The following GRK3 variants were observed in gnomAD, a reference collection of about 807,000 sequenced individuals.
GRK3 encodes adrenergic, beta, receptor kinase 2.
In GRK3, 54 loss-of-function variants were observed where a neutral mutation model predicts 95.7. The ratio of observed to expected loss-of-function variants is 0.56; its 90% CI spans 0.45 to 0.71. GRK3 has a LOEUF of 0.71. GRK3 is among the 30% of genes least tolerant of loss of function. The pLI is 0.00. For missense variants in GRK3, 649 were observed against 851.2 expected (o/e 0.76, Z 2.96); for synonymous variants, 281 against 290.8 (o/e 0.97, Z 0.34).
chr22:25,612,266 G>A (rs555043864), intron 2 of GRK3, among the ~76,000 whole-genome samples: 4 of 152,082 alleles, frequency 2.6e-5, no homozygotes, highest in Admixed American at 1.3e-4. Context: ...TTTGTCTGTG[G>A]TGTAAAGCAA....
intron 8 of GRK3, among the ~76,000 whole-genome samples, chr22:25,677,847 T>G (rs1297101899): frequency 1.3e-5 from 2 of 152,218 alleles, no homozygotes; most frequent in African/African-American, 4.8e-5. Flanking sequence ...TCTGTTGTCC[T>G]ACCGAAAAAG....
chr22:25,620,006 T>TTTTTTG lies in GRK3; in HGVS notation c.190+15554_190+15555insTTTTGT, dbSNP rs144086816. Among the ~76,000 whole-genome samples, 161 of 90,310 alleles carry TTTTTTG rather than the reference T, an allele frequency of 1.8e-3. 1 individual carries two copies. The highest frequency in any genetic ancestry group is 6.1e-3 in the East Asian group (20 of 3,288). 59.2% of individuals were successfully genotyped at this position (90,310 alleles called of 152,430 possible). On this transcript the variant is annotated intron_variant, in intron 2 of 20. Coordinates refer to ENST00000324198, the MANE Select transcript of GRK3 (RefSeq NM_005160.4). ...TTACTCTTCCTTTCCTTTGTCTTTT[T>TTTTTTG]TGTGTGTGTGTGTGTGTGTGTGTGT...
intron 1 of GRK3, among the ~76,000 whole-genome samples, chr22:25,595,795 A>G (rs1412401248): frequency 2.6e-5 from 4 of 152,000 alleles, no homozygotes; most frequent in Non-Finnish European, 5.9e-5. Flanking sequence ...AAAAAAAATA[A>G]TAATTACTGG....
At chr22:25,694,737 A>T (rs1450460665) in intron 12 of GRK3, among the ~76,000 whole-genome samples, 3 of 152,152 alleles carry the variant, frequency 2.0e-5, no homozygotes, top group African/African-American at 7.2e-5. Flanking sequence ...TCGCCTGTTC[A>T]TCATCCGTTC....
At chr22:25,614,946 A>G (rs1426126432) in intron 2 of GRK3, among the ~76,000 whole-genome samples, 3 of 152,172 alleles carry the variant, frequency 2.0e-5, no homozygotes, top group Admixed American at 2.0e-4. Flanking sequence ...TCACCCTGCA[A>G]AAGATGGACA....
intron 1 of GRK3, among the ~76,000 whole-genome samples, chr22:25,571,121 T>C (rs1601442052): frequency 6.6e-6 from 1 of 152,192 alleles, no homozygotes; most frequent in East Asian, 1.9e-4. Context: ...CAGAAAAAGA[T>C]GCTAATGTGA....
At chr22:25,649,736 G>A (rs2084814612) in intron 3 of GRK3, among the ~76,000 whole-genome samples, 1 of 152,138 alleles carries the variant, frequency 6.6e-6, no homozygotes, top group Non-Finnish European at 1.5e-5. Flanking sequence ...ATAGTCAATA[G>A]GCAATCTTAA....
intron 3 of GRK3, among the ~76,000 whole-genome samples, chr22:25,645,091 G>C (rs938969979): frequency 8.5e-5 from 13 of 152,310 alleles, no homozygotes; most frequent in Middle Eastern, 3.4e-3. Context: ...TTGGTGGGGG[G>C]TGTGGTGGGG....
At chr22:25,674,375 A>G (rs2085009629) in intron 7 of GRK3, 62 bp from the exon 8 acceptor site, 1 of 1,369,676 alleles carries the variant, frequency 7.3e-7, no homozygotes, top group Admixed American at 1.8e-5. Context: ...GCATGAAAAA[A>G]TCTTTAAAAC....
At chr22:25,597,308 G>A (rs1283383595) in intron 1 of GRK3, among the ~76,000 whole-genome samples, 1 of 152,126 alleles carries the variant, frequency 6.6e-6, no homozygotes, top group African/African-American at 2.4e-5. Flanking sequence ...AGGAGAAAGG[G>A]TGGGGAAGGA....
chr22:25,685,285 A>C, intron 10 of GRK3, 37 bp downstream of exon 10: 2 of 1,484,876 alleles, frequency 1.3e-6, no homozygotes, highest in Non-Finnish European at 1.9e-6. Flanking sequence ...GCCTTGAAAG[A>C]CTTTGCCATG....
chr22:25,726,655 A>G lies in GRK3; in HGVS notation c.*4205A>G, dbSNP rs2085476614. 6.6e-6 allele frequency: 1 copy of G among 152,222 alleles called. No individual in the cohort carries two copies. The highest frequency in any genetic ancestry group is 6.5e-5 in the Admixed American group (1 of 15,282). The allele number at this position is 152,222 out of a possible 1,614,324, so 9.4% of individuals were successfully genotyped here. On this transcript the variant is annotated 3_prime_UTR_variant, in exon 21 of 21. Coordinates refer to ENST00000324198, the MANE Select transcript of GRK3 (RefSeq NM_005160.4). Reference sequence around the variant, plus strand: ...AAAAATCATTACACCATAAAGCACCAAGGAAATAACTGAGTTAAAATAGGT... The same window carrying G: ...AAAAATCATTACACCATAAAGCACCGAGGAAATAACTGAGTTAAAATAGGT...
At chr22:25,698,170 AAG>A (rs916678429) in intron 13 of GRK3, among the ~76,000 whole-genome samples, 2 of 139,824 alleles carry the variant, frequency 1.4e-5, no homozygotes, top group Non-Finnish European at 3.1e-5. Flanking sequence ...GGGAGAGAGG[AAG>A]AGAGGGAGGG....
At chr22:25,660,278 T>A (rs544454890) in intron 3 of GRK3, among the ~76,000 whole-genome samples, 1 of 152,336 alleles carries the variant, frequency 6.6e-6, no homozygotes, top group East Asian at 1.9e-4. Flanking sequence ...CTGAATTGAC[T>A]TAGAATGGTT....
rs993510729 is a variant in GRK3 at position 25,689,753 on chromosome 22, C to T, written c.958-436C>T. 3.5e-4 allele frequency among the ~76,000 whole-genome samples: 54 copies of T among 152,294 alleles called. No homozygotes were observed. The Middle Eastern group carries it at 0.014, about 38-fold the overall frequency. On this transcript the variant is annotated intron_variant, in intron 11 of 20. Coordinates refer to ENST00000324198, the MANE Select transcript of GRK3 (RefSeq NM_005160.4). The stretch of plus-strand genomic sequence containing the variant: ...GTGTTGATACATTCTTAGAAACTTC[C>T]TGTCTGTCCTGTGCTTCATGGCTTT...
chr22:25,599,485 G>A (rs187555033), intron 1 of GRK3, among the ~76,000 whole-genome samples: 2 of 151,488 alleles, frequency 1.3e-5, no homozygotes, highest in Non-Finnish European at 2.9e-5. Flanking sequence ...TCAGCTACTC[G>A]GGAGGCTGAG....
At chr22:25,721,474 AT>A in intron 20 of GRK3, 77 bp downstream of exon 20, 1 of 822,062 alleles carries the variant, frequency 1.2e-6, no homozygotes, top group Non-Finnish European at 2.0e-6. Flanking sequence ...TCTATAAAAC[AT>A]TTTCTTATGC....
At chr22:25,708,802 C>T (rs557790785) in intron 15 of GRK3, among the ~76,000 whole-genome samples, 1 of 151,760 alleles carries the variant, frequency 6.6e-6, no homozygotes, top group South Asian at 2.1e-4. Flanking sequence ...GCTGAGACTA[C>T]AGGCGCCTGC....
intron 17 of GRK3, 74 bp from the exon 18 acceptor site, chr22:25,714,334 G>A (rs2085366327): frequency 7.7e-7 from 1 of 1,302,888 alleles, no homozygotes; most frequent in Admixed American, 2.1e-5. Context: ...GAGTCACCAT[G>A]GATGTGGCGC....
Sources: gnomAD v4.1 joint callset for allele counts (sites outside exome capture counted in the v4.1 genomes callset) on GRCh38, gnomAD v4.1.1 for gene constraint, MANE v1.5 for transcripts, NCBI Gene and HGNC (gene_info 2026-07-23, HGNC 2026-07-21) for gene names.